Variants in TENM4 observed in about 807,000 individuals in gnomAD.
The protein encoded by TENM4 is teneurin-4.
A neutral mutation model predicts 243.3 loss-of-function variants in TENM4; 82 were observed. The observed-to-expected ratio is 0.34, with a 90% confidence interval of 0.28 to 0.40. The LOEUF (loss-of-function observed/expected upper bound fraction) is 0.40, where lower values mean the gene tolerates loss of function less well. Among genes scored for constraint, TENM4 ranks in the 10% least tolerant of loss-of-function variants. The pLI, the probability that TENM4 is intolerant of heterozygous loss-of-function variation, is 1.00. For synonymous variants in TENM4, 1,412 were observed against 1,456.3 expected (o/e 0.97, Z 0.69); for missense variants, 3,138 against 3,673.3 (o/e 0.85, Z 3.77).
chr11:78,861,847 T>G (rs1450748022), intron 10 of TENM4, among the ~76,000 whole-genome samples: 1 of 152,220 alleles, frequency 6.6e-6, no homozygotes, highest in Admixed American at 6.5e-5. Flanking sequence ...ATGTGCTGAC[T>G]GAAGGGTCAC....
intron 4 of TENM4, among the ~76,000 whole-genome samples, chr11:79,078,046 T>C (rs1014684421): frequency 6.6e-6 from 1 of 152,102 alleles, no homozygotes; most frequent in African/African-American, 2.4e-5. Flanking sequence ...GCAATATTTA[T>C]GAAGGGGCAG....
intron 4 of TENM4, among the ~76,000 whole-genome samples, chr11:79,116,852 C>T (rs563275621): frequency 2.0e-4 from 30 of 152,184 alleles, no homozygotes; most frequent in Non-Finnish European, 3.7e-4. Context: ...ATGATACTGT[C>T]TACCCCACAG....
At chr11:79,352,583 C>T (rs1344974185) in intron 1 of TENM4, among the ~76,000 whole-genome samples, 1 of 152,186 alleles carries the variant, frequency 6.6e-6, no homozygotes, top group Non-Finnish European at 1.5e-5. Flanking sequence ...TGTGCATGAC[C>T]CCCATGGAAG....
rs779148187 is a variant in TENM4 at position 78,726,107 on chromosome 11, G to A, written c.3522C>T (p.Asp1174=). 62 of 1,613,900 alleles carry A rather than the reference G, an allele frequency of 3.8e-5. No homozygotes were observed. Among genetic ancestry groups the A allele is most frequent in the Non-Finnish European group, 5.9e-6 (7 of 1,179,898 alleles). Residue 1174 remains aspartate (D), a synonymous_variant, in exon 23 of 34, where the codon GAC becomes GAT. Coordinates refer to ENST00000278550, the MANE Select transcript of TENM4 (RefSeq NM_001098816.3). ...DASKLGGWSL[D]KHHALNIQSG... ...TTTGAATGTTGAGGGCATGATGTTT[G>A]TCTAGGCTCCATCCTCCAAGCTTGG...
chr11:79,233,194 C>T (rs1396547682), intron 2 of TENM4, among the ~76,000 whole-genome samples: 4 of 152,360 alleles, frequency 2.6e-5, no homozygotes, highest in African/African-American at 2.4e-5. Flanking sequence ...ACATATCTCT[C>T]TCCACCACTA....
chr11:79,133,648 A>T (rs1418961162), intron 4 of TENM4, among the ~76,000 whole-genome samples: 2 of 152,178 alleles, frequency 1.3e-5, no homozygotes, highest in African/African-American at 4.8e-5. Flanking sequence ...AAAAAAAATA[A>T]TTCACCTGAT....
chr11:79,026,314 G>A (rs1859076755), intron 6 of TENM4, among the ~76,000 whole-genome samples: 1 of 152,188 alleles, frequency 6.6e-6, no homozygotes, highest in South Asian at 2.1e-4. Context: ...GTTATCTCAG[G>A]GAGAAACAAA....
At position 78,726,235 on chromosome 11, in the gene TENM4, G is replaced by T. The variant is rs758800326; in HGVS notation, c.3407-13C>A. 1.2e-6 allele frequency: 2 copies of T among 1,612,978 alleles called. No individual in the cohort carries two copies. The highest frequency in any genetic ancestry group is 1.7e-6 in the Non-Finnish European group (2 of 1,179,424). ...TAACCCACGGAAACTGTAGGTGACAGAATGAGGCAAAATGCATAAGTGAGC... is the reference window on the plus strand; with the variant it reads ...TAACCCACGGAAACTGTAGGTGACATAATGAGGCAAAATGCATAAGTGAGC... On this transcript the variant is annotated splice_polypyrimidine_tract_variant and intron_variant, in intron 22 of 33. Transcript: ENST00000278550.
rs543368652 is a variant in TENM4, at chr11:79,422,435, A to G, written c.-321+18074T>C. On this transcript the variant is annotated intron_variant, in intron 1 of 33. Transcript: ENST00000278550. ...CATCTCTTTTTGTAACATGGAGACT[A>G]GATACCTGTCATCTATAATACCTGT... Among the ~76,000 whole-genome samples the G allele has an allele frequency of 1.6e-4, 24 of 152,202 alleles. No homozygotes were observed. The South Asian group carries it at 5.0e-3, about 32-fold the overall frequency.
intron 3 of TENM4, among the ~76,000 whole-genome samples, chr11:79,164,571 A>G (rs1034423438): frequency 2.2e-4 from 28 of 127,518 alleles, no homozygotes; most frequent in African/African-American, 8.2e-4. Context: ...TATACTATAT[A>G]CTATATATAT....
chr11:79,343,870 G>T (rs1178075447), intron 1 of TENM4, among the ~76,000 whole-genome samples: 1 of 152,220 alleles, frequency 6.6e-6, no homozygotes, highest in Non-Finnish European at 1.5e-5. Flanking sequence ...GCCTGGGTCT[G>T]CAGGAGCCTG....
At chr11:79,390,697 G>A (rs1478134251) in intron 1 of TENM4, among the ~76,000 whole-genome samples, 1 of 152,160 alleles carries the variant, frequency 6.6e-6, no homozygotes, top group East Asian at 1.9e-4. Flanking sequence ...ATTAGTCCCT[G>A]GGCTTCCATG....
intron 6 of TENM4, among the ~76,000 whole-genome samples, chr11:79,018,208 A>G (rs1330270480): frequency 6.6e-6 from 1 of 152,214 alleles, no homozygotes; most frequent in Non-Finnish European, 1.5e-5. Context: ...CAGTTGGCCC[A>G]GGATGATACT....
chr11:79,176,475 T>C (rs892579586), intron 3 of TENM4, among the ~76,000 whole-genome samples: 18 of 152,244 alleles, frequency 1.2e-4, no homozygotes, highest in East Asian at 5.8e-4. Context: ...TATTAATAAC[T>C]ATATTGTCTG....
intron 3 of TENM4, among the ~76,000 whole-genome samples, chr11:79,170,697 C>T (rs1357837506): frequency 1.3e-5 from 2 of 152,212 alleles, no homozygotes; most frequent in African/African-American, 4.8e-5. Context: ...TGGAACAAGT[C>T]TTTCTCACAG....
intron 6 of TENM4, among the ~76,000 whole-genome samples, chr11:78,946,543 G>A (rs1857005330): frequency 6.6e-6 from 1 of 152,210 alleles, no homozygotes. Flanking sequence ...GGATCAAAAA[G>A]TAATTTTGAC....
intron 3 of TENM4, among the ~76,000 whole-genome samples, chr11:79,190,602 G>A (rs921377449): frequency 6.6e-6 from 1 of 152,094 alleles, no homozygotes; most frequent in Non-Finnish European, 1.5e-5. Flanking sequence ...CCTAATACAG[G>A]CAGCCCATTC....
intron 1 of TENM4, among the ~76,000 whole-genome samples, chr11:79,310,097 TC>T (rs1409271988): frequency 6.6e-6 from 1 of 152,082 alleles, no homozygotes; most frequent in Non-Finnish European, 1.5e-5. Context: ...TGACGCAGGG[TC>T]CTGCCTTAGC....
rs1422826148 is a variant in TENM4, at chr11:78,757,029, A to G, written c.2540-8T>C. ...TGCAGTCCACCAGGCCATCTGCAGG[A>G]GTGACAGAGCATGTGGTTTATATTG... On this transcript the variant is annotated splice_polypyrimidine_tract_variant and splice_region_variant and intron_variant, in intron 18 of 33. Transcript: ENST00000278550. The G allele has an allele frequency of 1.9e-6, 3 of 1,612,912 alleles. No individual in the cohort carries two copies. In the South Asian group the frequency reaches 3.3e-5, roughly 18 times the overall value.
Sources: allele counts gnomAD v4.1 joint callset (sites outside exome capture counted in the v4.1 genomes callset), GRCh38; gene constraint gnomAD v4.1.1; transcripts MANE v1.5; gene names NCBI Gene and HGNC (gene_info 2026-07-23, HGNC 2026-07-21).